MYO5C: variants seen among roughly 807,000 people sequenced by gnomAD.
The protein encoded by MYO5C is myosin VC, also known as unconventional myosin-Vc.
Under a neutral mutation model 235.7 loss-of-function variants are expected in MYO5C, and 194 were observed. The observed-to-expected ratio is 0.82, with a 90% CI of 0.73 to 0.93. The LOEUF (loss-of-function observed/expected upper bound fraction) is 0.93, where lower values mean the gene tolerates loss of function less well. Ranked by LOEUF, MYO5C falls within the 40% of genes least tolerant of loss-of-function variation. MYO5C has a pLI of 0.00. For missense variants in MYO5C, 2,038 were observed against 2,127.2 expected (o/e 0.96, Z 0.82); for synonymous variants, 707 against 754.8 (o/e 0.94, Z 1.04).
intron 28 of MYO5C, among the ~76,000 whole-genome samples, chr15:52,224,651 AACTT>A (rs1480055331): frequency 1.3e-5 from 2 of 152,222 alleles, no homozygotes; most frequent in Non-Finnish European, 2.9e-5. Context: ...AACATTAACT[AACTT>A]ATTTGATAAT....
intron 4 of MYO5C, among the ~76,000 whole-genome samples, chr15:52,277,580 G>C (rs2037080127): frequency 6.6e-6 from 1 of 152,166 alleles, no homozygotes; most frequent in African/African-American, 2.4e-5. Context: ...ATGTGAGTGA[G>C]GTCTGCCTGA....
intron 11 of MYO5C, among the ~76,000 whole-genome samples, chr15:52,254,885 G>A (rs1255440303): frequency 6.6e-6 from 1 of 151,948 alleles, no homozygotes; most frequent in African/African-American, 2.4e-5. Flanking sequence ...TACTGAATAT[G>A]CACTTGGAAT....
At chr15:52,270,705 T>A (rs2036904823) in intron 7 of MYO5C, among the ~76,000 whole-genome samples, 1 of 148,080 alleles carries the variant, frequency 6.8e-6, no homozygotes, top group African/African-American at 2.4e-5. Flanking sequence ...TGTGTATATA[T>A]ATACACATAC....
chr15:52,252,508 G>T (rs2036492927), intron 12 of MYO5C, among the ~76,000 whole-genome samples: 1 of 152,006 alleles, frequency 6.6e-6, no homozygotes, highest in African/African-American at 2.4e-5. Flanking sequence ...GGGCGCAGTG[G>T]CTCATGCCTG....
intron 9 of MYO5C, among the ~76,000 whole-genome samples, chr15:52,263,404 T>C (rs1454267532): frequency 6.6e-6 from 1 of 152,102 alleles, no homozygotes; most frequent in Non-Finnish European, 1.5e-5. Context: ...AAAGAAATCT[T>C]TCACAAAACT....
intron 25 of MYO5C, among the ~76,000 whole-genome samples, chr15:52,227,889 T>C (rs897298001): frequency 6.6e-6 from 1 of 152,226 alleles, no homozygotes; most frequent in Admixed American, 6.5e-5. Context: ...ATTTCCATAA[T>C]CCTACAAATA....
intron 1 of MYO5C, among the ~76,000 whole-genome samples, chr15:52,290,801 C>T (rs1234327634): frequency 6.6e-6 from 1 of 152,014 alleles, no homozygotes; most frequent in Non-Finnish European, 1.5e-5. Flanking sequence ...TTACAAGCTA[C>T]AGAAACGCTG....
chr15:52,239,720 T>TAAAAAGAAA lies in MYO5C; in HGVS notation c.2703+12_2703+13insTTTCTTTTT. On this transcript the variant is annotated intron_variant, in intron 21 of 40. Transcript: ENST00000261839. ...GAAAAAGTAAATGTAAAAGATGCAC[T>TAAAAAGAAA]ATGAGCACCTACCTGATCTTCCAAC... The TAAAAAGAAA allele has an allele frequency of 6.3e-7, 1 of 1,586,526 alleles. No homozygotes were observed. The highest frequency in any genetic ancestry group is 1.4e-5 in the African/African-American group (1 of 74,038).
chr15:52,219,632 G>C, intron 31 of MYO5C, 127 bp downstream of exon 31: 1 of 685,190 alleles, frequency 1.5e-6, no homozygotes, highest in Non-Finnish European at 2.6e-6. Context: ...CATCAGAATG[G>C]CAATATGTCA....
At chr15:52,294,878 G>A (rs540907838) in intron 1 of MYO5C, among the ~76,000 whole-genome samples, 9 of 152,306 alleles carry the variant, frequency 5.9e-5, no homozygotes, top group South Asian at 2.1e-4. Flanking sequence ...GTATATGAAA[G>A]GCGCTTTAGA....
intron 38 of MYO5C, among the ~76,000 whole-genome samples, chr15:52,200,081 A>G (rs923309289): frequency 1.3e-5 from 2 of 152,184 alleles, no homozygotes; most frequent in African/African-American, 4.8e-5. Flanking sequence ...ACTATGAAAC[A>G]TACCATTACC....
chr15:52,192,797 T>C lies in MYO5C; in HGVS notation c.*1105A>G, dbSNP rs2034960147. The C allele has an allele frequency of 6.6e-6, 1 of 152,174 alleles. No individual in the cohort carries two copies. The highest frequency in any genetic ancestry group is 1.5e-5 in the Non-Finnish European group (1 of 68,030). The allele number at this position is 152,174 out of a possible 1,614,324, so 9.4% of individuals were successfully genotyped here. A position where few individuals can be genotyped will look rare whatever the true frequency, so the allele number is the denominator to read the frequency against. ...TGAAATGCTGATTAGAGAGCGAAAG[T>C]AATTTAGGTTGCTTTTTCAATCTGA... On this transcript the variant is annotated 3_prime_UTR_variant, in exon 41 of 41. Coordinates refer to ENST00000261839, the MANE Select transcript of MYO5C (RefSeq NM_018728.4).
rs1463629603 is a variant in MYO5C, at chr15:52,295,665, G to A, written c.-29C>T. The A allele has an allele frequency of 2.1e-6, 3 of 1,406,012 alleles. No individual in the cohort carries two copies. The highest frequency in any genetic ancestry group is 2.8e-6 in the Non-Finnish European group (3 of 1,079,734). 87.1% of individuals were successfully genotyped at this position (1,406,012 alleles called of 1,614,324 possible). On this transcript the variant is annotated 5_prime_UTR_variant, in exon 1 of 41. Coordinates refer to ENST00000261839, the MANE Select transcript of MYO5C (RefSeq NM_018728.4). Reference sequence around the variant, plus strand: ...CAGGAGGGGCCGGGGCCAGGCCGGGGCTGCCGAACGTGCGAGGCTCGGGGG... The same window carrying A: ...CAGGAGGGGCCGGGGCCAGGCCGGGACTGCCGAACGTGCGAGGCTCGGGGG...
At chr15:52,240,887 C>A (rs1273726068) in intron 20 of MYO5C, among the ~76,000 whole-genome samples, 1 of 152,184 alleles carries the variant, frequency 6.6e-6, no homozygotes, top group African/African-American at 2.4e-5. Context: ...ATTGTGAAAT[C>A]TCTGAGACCA....
intron 14 of MYO5C, 88 bp downstream of exon 14, chr15:52,248,612 T>A (rs998352314): frequency 1.1e-6 from 1 of 941,176 alleles, no homozygotes; most frequent in Non-Finnish European, 1.7e-6. Context: ...ACACACTCTC[T>A]CTCTCTCTCT....
Position 52,274,676 on chromosome 15 carries a change from C to CCA in MYO5C, c.606+885_606+886insTG, listed in dbSNP as rs1045352676. Among the ~76,000 whole-genome samples the CCA allele has an allele frequency of 6.1e-5, 9 of 148,644 alleles. No homozygotes were observed. In the South Asian group the frequency reaches 9.0e-4, roughly 15 times the overall value. ...CTTTGCAGTGTTTCTTAGTACCCCC[C>CCA]CCCCGACATATGTTTCTATTTAATT... On this transcript the variant is annotated intron_variant, in intron 5 of 40. Coordinates refer to ENST00000261839, the MANE Select transcript of MYO5C (RefSeq NM_018728.4).
chr15:52,244,325 G>T, intron 19 of MYO5C, 31 bp downstream of exon 19: 1 of 1,600,778 alleles, frequency 6.2e-7, no homozygotes, highest in Non-Finnish European at 8.5e-7. Context: ...AAGCCCCACA[G>T]TTCCACATGT....
At position 52,192,829 on chromosome 15, in the gene MYO5C, T is replaced by A. The variant is rs2034961005; in HGVS notation, c.*1073A>T. On this transcript the variant is annotated 3_prime_UTR_variant, in exon 41 of 41. Transcript: ENST00000261839. ...GGTTGCTTTTTCAATCTGAGGTTGTTTTAAAAAAGTTATTGTATGAAAGGT... is the reference window on the plus strand; with the variant it reads ...GGTTGCTTTTTCAATCTGAGGTTGTATTAAAAAAGTTATTGTATGAAAGGT... 1 of 150,480 alleles carries A rather than the reference T, an allele frequency of 6.6e-6. No individual in the cohort carries two copies. Among genetic ancestry groups the A allele is most frequent in the Admixed American group, 6.7e-5 (1 of 14,920 alleles). The allele number at this position is 150,480 out of a possible 1,614,324, so 9.3% of individuals were successfully genotyped here.
At chr15:52,258,964 C>T (rs2036636158) in intron 10 of MYO5C, among the ~76,000 whole-genome samples, 1 of 152,162 alleles carries the variant, frequency 6.6e-6, no homozygotes, top group Admixed American at 6.5e-5. Context: ...CCTCTGCTAA[C>T]CTCCAGCACA....
Sources: gnomAD v4.1 joint callset for allele counts (sites outside exome capture counted in the v4.1 genomes callset) on GRCh38, gnomAD v4.1.1 for gene constraint, MANE v1.5 for transcripts, NCBI Gene and HGNC (gene_info 2026-07-23, HGNC 2026-07-21) for gene names.